Variants in SLC24A3 observed in about 807,000 individuals in gnomAD.
SLC24A3 encodes the protein sodium/potassium/calcium exchanger 3.
Under a neutral mutation model 75.8 loss-of-function variants are expected in SLC24A3, and 28 were observed. The ratio of observed to expected loss-of-function variants is 0.37; its 90% confidence interval spans 0.27 to 0.51. The LOEUF is 0.51. SLC24A3 is among the 20% of genes least tolerant of loss of function. The pLI is 0.94. For missense variants in SLC24A3, 663 were observed against 847.8 expected (o/e 0.78, Z 2.71); for synonymous variants, 372 against 334.1 (o/e 1.11, Z -1.24).
At chr20:19,417,842 A>G (rs1986853108) in intron 2 of SLC24A3, among the ~76,000 whole-genome samples, 1 of 152,086 alleles carries the variant, frequency 6.6e-6, no homozygotes, top group South Asian at 2.1e-4. Context: ...AGTAAGTGAA[A>G]CTCTACATAC....
At chr20:19,257,086 C>G (rs931575326) in intron 1 of SLC24A3, among the ~76,000 whole-genome samples, 7 of 152,150 alleles carry the variant, frequency 4.6e-5, no homozygotes, top group Non-Finnish European at 1.0e-4. Context: ...GATGACTCAT[C>G]TGGTATCATG....
chr20:19,265,695 C>G (rs980833337), intron 1 of SLC24A3: 9 of 152,428 alleles, frequency 5.9e-5, no homozygotes, highest in African/African-American at 2.2e-4. Flanking sequence ...GACATCAGGA[C>G]CTTGCCTATC....
intron 15 of SLC24A3, among the ~76,000 whole-genome samples, chr20:19,712,961 C>A (rs1422773851): frequency 2.0e-5 from 3 of 152,206 alleles, no homozygotes; most frequent in Non-Finnish European, 2.9e-5. Flanking sequence ...CTGCCTCAGG[C>A]AAGGCTTACA....
At chr20:19,524,985 T>C (rs1326415742) in intron 3 of SLC24A3, among the ~76,000 whole-genome samples, 2 of 152,252 alleles carry the variant, frequency 1.3e-5, no homozygotes, top group African/African-American at 4.8e-5. Flanking sequence ...TCAATGGTTT[T>C]GTCTCTTTGC....
chr20:19,543,281 C>T (rs1316470757), intron 3 of SLC24A3, among the ~76,000 whole-genome samples: 1 of 152,160 alleles, frequency 6.6e-6, no homozygotes, highest in Non-Finnish European at 1.5e-5. Context: ...TGTTACTACC[C>T]CTGGAGATGA....
chr20:19,694,307 A>T (rs893203267), intron 13 of SLC24A3: 1 of 152,210 alleles, frequency 6.6e-6, no homozygotes, highest in African/African-American at 2.4e-5. Flanking sequence ...ATCCAAATTA[A>T]TCTTGCCTTG....
chr20:19,307,602 G>T (rs796166208), intron 2 of SLC24A3, among the ~76,000 whole-genome samples: 2 of 152,070 alleles, frequency 1.3e-5, no homozygotes, highest in Non-Finnish European at 2.9e-5. Flanking sequence ...GGGCCTGTTG[G>T]GGGGTGGGTG....
chr20:19,273,882 A>G (rs1568575021), intron 1 of SLC24A3, among the ~76,000 whole-genome samples: 1 of 151,212 alleles, frequency 6.6e-6, no homozygotes, highest in Non-Finnish European at 1.5e-5. Context: ...CGACAATCAC[A>G]GGCATCACCT....
At chr20:19,549,442 T>C (rs2030655986) in intron 3 of SLC24A3, among the ~76,000 whole-genome samples, 1 of 152,196 alleles carries the variant, frequency 6.6e-6, no homozygotes, top group Admixed American at 6.5e-5. Context: ...AACATATGTA[T>C]TATTCATAAT....
At chr20:19,313,517 C>A (rs1468439437) in intron 2 of SLC24A3, among the ~76,000 whole-genome samples, 1 of 152,206 alleles carries the variant, frequency 6.6e-6, no homozygotes, top group Non-Finnish European at 1.5e-5. Flanking sequence ...CTGAGAAGGG[C>A]CAGGGAACCT....
At position 19,416,180 on chromosome 20, in the gene SLC24A3, G is replaced by A. The variant is rs565653605; in HGVS notation, c.272-99308G>A. Among the ~76,000 whole-genome samples, 77 of 152,316 alleles carry A rather than the reference G, an allele frequency of 5.1e-4. 1 individual carries two copies. Among genetic ancestry groups the A allele is most frequent in the African/African-American group, 1.8e-3 (73 of 41,586 alleles). On this transcript the variant is annotated intron_variant, in intron 2 of 16. Coordinates refer to ENST00000328041, the MANE Select transcript of SLC24A3 (RefSeq NM_020689.4). ...CCATCCCCCACCACCTCACCAAGGT[G>A]GGTGATCCATGGACTACCATGGCAA...
In SLC24A3 at chr20:19,696,802, A is replaced by T; in HGVS notation, c.1497A>T (p.Thr499=). ...CCTCTTCCTGCTCCTTCTAGGTCAC[A>T]ATCATTGGTTACACCCTGGGGATTC... ...AFSYMMVWMV[T]IIGYTLGIPD... The change falls in exon 14 of 17, where the codon ACA becomes ACT. Residue 499 remains threonine, a synonymous_variant. Transcript: ENST00000328041. 6.2e-7 allele frequency: 1 copy of T among 1,613,588 alleles called. No homozygotes were observed. The highest frequency in any genetic ancestry group is 1.1e-5 in the South Asian group (1 of 91,054).
In SLC24A3 at chr20:19,609,370, A is replaced by AT. The variant is rs75537278; in HGVS notation, c.612+23832dup. Among the ~76,000 whole-genome samples, 3,604 of 151,748 alleles carry AT rather than the reference A, an allele frequency of 0.024. 252 individuals carry two copies. In the East Asian group the frequency reaches 0.28, roughly 12 times the overall value. On this transcript the variant is annotated intron_variant, in intron 6 of 16. Transcript: ENST00000328041. ...GTCCTACCACAATAGAGAAATCTTA[A>AT]TTTTTTAGTATTTATTTTTATGTAT...
intron 1 of SLC24A3, among the ~76,000 whole-genome samples, chr20:19,279,656 T>C (rs946699648): frequency 6.6e-6 from 1 of 152,180 alleles, no homozygotes; most frequent in African/African-American, 2.4e-5. Flanking sequence ...GTGCCCCCTC[T>C]TCTCCACCGG....
At chr20:19,328,416 G>T (rs1984920243) in intron 2 of SLC24A3, among the ~76,000 whole-genome samples, 1 of 152,174 alleles carries the variant, frequency 6.6e-6, no homozygotes, top group African/African-American at 2.4e-5. Context: ...AGAGTGGAAG[G>T]TGAAAGACTC....
intron 16 of SLC24A3, among the ~76,000 whole-genome samples, chr20:19,719,823 A>C (rs920083073): frequency 4.6e-5 from 7 of 152,136 alleles, no homozygotes; most frequent in African/African-American, 1.7e-4. Flanking sequence ...CAAGCAAGAG[A>C]GAGGCCAGGG....
intron 9 of SLC24A3, among the ~76,000 whole-genome samples, chr20:19,676,316 T>C (rs185311110): frequency 4.2e-4 from 64 of 152,296 alleles, no homozygotes; most frequent in African/African-American, 1.5e-3. Context: ...TGGAAGCTAA[T>C]GAGGTGTGTT....
At chr20:19,658,490 A>G (rs2122714161) in intron 7 of SLC24A3, among the ~76,000 whole-genome samples, 1 of 152,268 alleles carries the variant, frequency 6.6e-6, no homozygotes, top group South Asian at 2.1e-4. Flanking sequence ...CCTCTGTGCT[A>G]TTTTCTAGTT....
At chr20:19,520,734 C>T (rs1444953198) in intron 3 of SLC24A3, among the ~76,000 whole-genome samples, 8 of 146,244 alleles carry the variant, frequency 5.5e-5, no homozygotes, top group African/African-American at 1.0e-4. Flanking sequence ...CTGTTCCCCG[C>T]GTCAACACCT....
Sources: allele counts gnomAD v4.1 joint callset (sites outside exome capture counted in the v4.1 genomes callset), GRCh38; gene constraint gnomAD v4.1.1; transcripts MANE v1.5; gene names NCBI Gene and HGNC (gene_info 2026-07-23, HGNC 2026-07-21).